MCM9: variants seen among roughly 807,000 people sequenced by gnomAD.
MCM9 encodes DNA helicase MCM9.
Under a neutral mutation model 72.8 loss-of-function variants are expected in MCM9, and 55 were observed. The observed-to-expected ratio is 0.76, with a 90% confidence interval of 0.61 to 0.95. The LOEUF (loss-of-function observed/expected upper bound fraction) is 0.95. Ranked by LOEUF, MCM9 falls within the 40% of genes least tolerant of loss-of-function variation. The pLI is 0.00. For synonymous variants in MCM9, 480 were observed against 503.4 expected (o/e 0.95, Z 0.62); for missense variants, 1,279 against 1,377.0 (o/e 0.93, Z 1.13).
At chr6:118,890,387 C>A (rs1296094419) in intron 8 of MCM9, among the ~76,000 whole-genome samples, 1 of 152,212 alleles carries the variant, frequency 6.6e-6, no homozygotes, top group Non-Finnish European at 1.5e-5. Context: ...ATCTTACCCT[C>A]CTGCCATTCC....
At chr6:118,817,459 G>A (rs1298380450) in intron 13 of MCM9, among the ~76,000 whole-genome samples, 2 of 152,140 alleles carry the variant, frequency 1.3e-5, no homozygotes, top group Non-Finnish European at 2.9e-5. Flanking sequence ...CCCTGCAAAG[G>A]ATATGAACTC....
intron 8 of MCM9, among the ~76,000 whole-genome samples, chr6:118,903,784 G>T (rs752522231): frequency 6.6e-6 from 1 of 152,114 alleles, no homozygotes; most frequent in African/African-American, 2.4e-5. Context: ...ATGGGGTTTC[G>T]CCATGTGGCC....
intron 3 of MCM9, among the ~76,000 whole-genome samples, chr6:118,927,553 C>T (rs796182946): frequency 1.5e-4 from 23 of 151,272 alleles, no homozygotes; most frequent in African/African-American, 3.6e-4. Flanking sequence ...TGCAGTGAGC[C>T]GAGATCGTGC....
chr6:118,813,509 A>C lies in MCM9; in HGVS notation c.*1315T>G, dbSNP rs1036544694. On this transcript the variant is annotated 3_prime_UTR_variant, in exon 14 of 14. Transcript: ENST00000619706. ...GAATTTTAGAACGTTTAAATGCTTAAGAAAAATTGGATTTTCTAAATTTGT... is the reference window on the plus strand; with the variant it reads ...GAATTTTAGAACGTTTAAATGCTTACGAAAAATTGGATTTTCTAAATTTGT... The C allele has an allele frequency of 2.0e-5, 3 of 152,352 alleles. No individual in the cohort carries two copies. The highest frequency in any genetic ancestry group is 3.9e-4 in the East Asian group (2 of 5,188). 9.4% of individuals were successfully genotyped at this position (152,352 alleles called of 1,614,324 possible).
rs1776867739 is a variant in MCM9, at chr6:118,861,020, C to T, written c.1151-4475G>A. Among the ~76,000 whole-genome samples the T allele has an allele frequency of 2.0e-5, 3 of 152,296 alleles. No individual in the cohort carries two copies. In the South Asian group the frequency reaches 6.2e-4, roughly 32 times the overall value. On this transcript the variant is annotated intron_variant, in intron 8 of 13. Transcript: ENST00000619706. ...CGCTTGGCTCACACTACTACCGGCC[C>T]AGATCTCATGTCTGCCAATGGCAAG...
chr6:118,915,577 G>T (rs990957493), intron 6 of MCM9, among the ~76,000 whole-genome samples: 1 of 152,150 alleles, frequency 6.6e-6, no homozygotes, highest in African/African-American at 2.4e-5. Flanking sequence ...TCTTAAGCAA[G>T]TCAACCTCCA....
At chr6:118,903,334 C>T (rs1352314950) in intron 8 of MCM9, among the ~76,000 whole-genome samples, 1 of 152,156 alleles carries the variant, frequency 6.6e-6, no homozygotes, top group Non-Finnish European at 1.5e-5. Context: ...CAGGACAAGG[C>T]TGGCTGTCCC....
At chr6:118,908,666 T>C (rs990519267) in intron 8 of MCM9, 4 of 152,300 alleles carry the variant, frequency 2.6e-5, no homozygotes, top group Admixed American at 6.5e-5. Flanking sequence ...AACAAATCTT[T>C]GAAAAGCAAT....
intron 8 of MCM9, among the ~76,000 whole-genome samples, chr6:118,894,931 C>T (rs944128753): frequency 6.6e-6 from 1 of 152,152 alleles, no homozygotes; most frequent in African/African-American, 2.4e-5. Context: ...TGTGGTCGCG[C>T]CGGCGAGTTC....
rs1779768125 is a variant in MCM9 at position 118,901,023 on chromosome 6, GT to G, written c.1150+10626del. ...TTCACTTTAAATCTGTTTCCATCAT[GT>G]TTTAGGCAGTCTCTGTGTCACAGAG... On this transcript the variant is annotated intron_variant, in intron 8 of 13. Coordinates refer to ENST00000619706, the MANE Select transcript of MCM9 (RefSeq NM_017696.3). The G allele has an allele frequency of 4.9e-6, 3 of 613,078 alleles. No individual in the cohort carries two copies. In the East Asian group the frequency reaches 8.3e-5, roughly 17 times the overall value. The allele number at this position is 613,078 out of a possible 1,614,324, so 38.0% of individuals were successfully genotyped here.
chr6:118,824,873 C>T (rs1774061070), intron 13 of MCM9, among the ~76,000 whole-genome samples: 1 of 152,152 alleles, frequency 6.6e-6, no homozygotes, highest in African/African-American at 2.4e-5. Flanking sequence ...GGAGGATCAA[C>T]ACCAGAACAT....
chr6:118,826,304 A>G lies in MCM9; in HGVS notation c.1816-12T>C. ...AGCAGTGCACCTCCCTGAAGGGGTG[A>G]GAAAATACCAGGAGAGTCACCAGGC... is the stretch of plus-strand genomic sequence containing the variant. On this transcript the variant is annotated splice_polypyrimidine_tract_variant and intron_variant, in intron 12 of 13. Transcript: ENST00000619706. 1.3e-6 allele frequency: 2 copies of G among 1,546,932 alleles called. No individual in the cohort carries two copies. Among genetic ancestry groups the G allele is most frequent in the Non-Finnish European group, 1.7e-6 (2 of 1,145,508 alleles).
intron 1 of MCM9, among the ~76,000 whole-genome samples, chr6:118,933,483 G>T (rs575153969): frequency 6.7e-6 from 1 of 149,310 alleles, no homozygotes; most frequent in Admixed American, 6.7e-5. Flanking sequence ...TCCAGCCCGG[G>T]CACAGAGCGA....
intron 8 of MCM9, among the ~76,000 whole-genome samples, chr6:118,860,798 A>C (rs1776852321): frequency 6.6e-6 from 1 of 152,270 alleles, no homozygotes; most frequent in African/African-American, 2.4e-5. Flanking sequence ...ATTTTTCCAC[A>C]GACCAGAGTG....
intron 6 of MCM9, among the ~76,000 whole-genome samples, chr6:118,914,614 G>T (rs1780795689): frequency 6.6e-6 from 1 of 152,118 alleles, no homozygotes; most frequent in South Asian, 2.1e-4. Flanking sequence ...TGGAGAAAAG[G>T]TCAGGAATCC....
chr6:118,915,230 A>G (rs990925008), intron 6 of MCM9, among the ~76,000 whole-genome samples: 2 of 152,192 alleles, frequency 1.3e-5, no homozygotes, highest in Admixed American at 6.5e-5. Context: ...TCATGGCTAT[A>G]TCATGGAAGA....
chr6:118,916,664 G>T (rs1230845669), intron 6 of MCM9, among the ~76,000 whole-genome samples: 7 of 151,678 alleles, frequency 4.6e-5, no homozygotes, highest in Non-Finnish European at 1.5e-5. Context: ...ACCACACCTG[G>T]CTAATTTTTG....
At chr6:118,893,957 C>T (rs1466270093) in intron 8 of MCM9, 7 of 955,182 alleles carry the variant, frequency 7.3e-6, no homozygotes, top group Non-Finnish European at 8.7e-6. Context: ...CGCGGCCACG[C>T]CCCCTCCGCC....
At chr6:118,916,214 C>G (rs906763670) in intron 6 of MCM9, among the ~76,000 whole-genome samples, 1 of 150,136 alleles carries the variant, frequency 6.7e-6, no homozygotes, top group Non-Finnish European at 1.5e-5. Context: ...AAAAAAGAAA[C>G]CATTTTAATT....
Sources: allele counts gnomAD v4.1 joint callset (sites outside exome capture counted in the v4.1 genomes callset), GRCh38; gene constraint gnomAD v4.1.1; transcripts MANE v1.5; gene names NCBI Gene and HGNC (gene_info 2026-07-23, HGNC 2026-07-21).